Variants in CAPZA1 observed in about 807,000 individuals in gnomAD.
The protein encoded by CAPZA1 is F-actin-capping protein subunit alpha-1.
CAPZA1 carries 10 observed loss-of-function variants against 40.8 expected under a neutral mutation model. The observed-to-expected ratio is 0.25, with a 90% CI of 0.15 to 0.42. The LOEUF (loss-of-function observed/expected upper bound fraction) is 0.42. Among genes scored for constraint, CAPZA1 ranks in the 10% least tolerant of loss-of-function variants. The pLI, the probability that CAPZA1 is intolerant of heterozygous loss-of-function variation, is 1.00. For missense variants in CAPZA1, 277 were observed against 353.8 expected (o/e 0.78, Z 1.74); for synonymous variants, 98 against 115.0 (o/e 0.85, Z 0.95).
At chr1:112,659,482 T>C (rs991364184) in intron 6 of CAPZA1, 5 of 549,056 alleles carry the variant, frequency 9.1e-6, no homozygotes, top group Non-Finnish European at 1.3e-5. Flanking sequence ...AAAGACAAAA[T>C]AACTTAGAAA....
At chr1:112,647,312 C>T in intron 2 of CAPZA1, 39 bp downstream of exon 2, 5 of 1,065,426 alleles carry the variant, frequency 4.7e-6, no homozygotes, top group Non-Finnish European at 5.3e-6. Flanking sequence ...CCTTAATTAC[C>T]ATTATTTATT....
intron 5 of CAPZA1, among the ~76,000 whole-genome samples, chr1:112,657,416 A>G (rs1671519812): frequency 6.6e-6 from 1 of 151,560 alleles, no homozygotes; most frequent in East Asian, 1.9e-4. Context: ...GAACCCTTTA[A>G]TTTTTTACTT....
chr1:112,666,488 A>G (rs745706540), intron 7 of CAPZA1, among the ~76,000 whole-genome samples: 2 of 152,242 alleles, frequency 1.3e-5, no homozygotes, highest in Admixed American at 6.5e-5. Flanking sequence ...AATTGTTTGC[A>G]TAATTGTAGC....
chr1:112,648,748 A>C lies in CAPZA1; in HGVS notation c.104-670A>C, dbSNP rs1007354223. Among the ~76,000 whole-genome samples the C allele has an allele frequency of 5.3e-5, 8 of 150,908 alleles. No homozygotes were observed. The East Asian group carries it at 6.1e-4, about 12-fold the overall frequency. On this transcript the variant is annotated intron_variant, in intron 2 of 9. Coordinates refer to ENST00000263168, the MANE Select transcript of CAPZA1 (RefSeq NM_006135.3). ...GAGGCCAAAGTGAGCAGATCGCCTT[A>C]GGTCAGGAGTTCGAAACCAGCCTGA... is the stretch of plus-strand genomic sequence containing the variant.
chr1:112,656,468 A>G (rs918507804), intron 5 of CAPZA1, among the ~76,000 whole-genome samples: 2 of 9,204 alleles, frequency 2.2e-4, no homozygotes, highest in African/African-American at 9.2e-4. Context: ...TTTTTTTTTA[A>G]TGAGAATACC....
Position 112,630,336 on chromosome 1 carries a change from T to A in CAPZA1, c.39+10453T>A, listed in dbSNP as rs1249271560. ...TTATTTTATTTTTTATTTTTTAATT[T>A]TTTATTTGTATTTATTTTTATTTTT... On this transcript the variant is annotated intron_variant, in intron 1 of 9. Coordinates refer to ENST00000263168, the MANE Select transcript of CAPZA1 (RefSeq NM_006135.3). Among the ~76,000 whole-genome samples, 3 of 151,930 alleles carry A rather than the reference T, an allele frequency of 2.0e-5. No individual in the cohort carries two copies. In the East Asian group the frequency reaches 5.8e-4, roughly 29 times the overall value.
At chr1:112,640,614 C>T (rs1477580861) in intron 1 of CAPZA1, among the ~76,000 whole-genome samples, 2 of 149,630 alleles carry the variant, frequency 1.3e-5, no homozygotes, top group African/African-American at 2.5e-5. Flanking sequence ...GTCAGCCCCC[C>T]GCCCGGCCAG....
At chr1:112,653,483 T>C (rs1671437924) in intron 3 of CAPZA1, 115 bp from the exon 4 acceptor site, 1 of 704,544 alleles carries the variant, frequency 1.4e-6, no homozygotes, top group African/African-American at 1.9e-5. Flanking sequence ...CAGGGTACTA[T>C]TTTCACATTT....
chr1:112,640,641 G>C (rs919380517), intron 1 of CAPZA1, among the ~76,000 whole-genome samples: 1 of 151,922 alleles, frequency 6.6e-6, no homozygotes, highest in Non-Finnish European at 1.5e-5. Context: ...CATCCGGGAC[G>C]TGAGGGGTGC....
intron 1 of CAPZA1, among the ~76,000 whole-genome samples, chr1:112,621,541 C>T (rs559659868): frequency 6.6e-6 from 1 of 151,304 alleles, no homozygotes; most frequent in Admixed American, 6.6e-5. Context: ...CGTAAGCCAC[C>T]GCGGCCGGCC....
chr1:112,654,485 T>G lies in CAPZA1; in HGVS notation c.240T>G (p.Gly80=). ...GGAAGGTCTTAATTACAGAGCACGG[T>G]GACCTGGGTAATAGCAGATTTTTAG... ...YEDQVLITEH[G]DLGNSRFLDP... Residue 80 remains glycine, a synonymous_variant, in exon 5 of 10, where the codon GGT becomes GGG. Coordinates refer to ENST00000263168, the MANE Select transcript of CAPZA1 (RefSeq NM_006135.3). The G allele has an allele frequency of 1.2e-6, 2 of 1,613,488 alleles. No homozygotes were observed. The highest frequency in any genetic ancestry group is 1.7e-6 in the Non-Finnish European group (2 of 1,179,522).
chr1:112,666,207 A>G (rs1230058874), intron 7 of CAPZA1, among the ~76,000 whole-genome samples: 1 of 152,234 alleles, frequency 6.6e-6, no homozygotes, highest in Non-Finnish European at 1.5e-5. Flanking sequence ...ACATATTCAT[A>G]TGCAGTGAGT....
At chr1:112,664,209 C>T (rs1206673008) in intron 7 of CAPZA1, among the ~76,000 whole-genome samples, 11 of 139,294 alleles carry the variant, frequency 7.9e-5, no homozygotes, top group Non-Finnish European at 1.4e-4. Flanking sequence ...CCAGCTTGGG[C>T]GACAGAGCGT....
intron 1 of CAPZA1, among the ~76,000 whole-genome samples, chr1:112,637,609 G>A (rs758434664): frequency 1.3e-5 from 2 of 152,068 alleles, no homozygotes; most frequent in East Asian, 1.9e-4. Flanking sequence ...CACCATGCCC[G>A]GCTAAATTTT....
chr1:112,649,246 A>C (rs7550315), intron 2 of CAPZA1, among the ~76,000 whole-genome samples, 172 bp from the exon 3 acceptor site: 12,559 of 152,306 alleles, frequency 0.082, 700 homozygotes, highest in Middle Eastern at 0.12. Context: ...ATAATTGTAC[A>C]CAAATCTGTG....
rs1452391731 is a variant in CAPZA1, at chr1:112,654,641, G to C, written c.396G>C (p.Val132=). ...GTGACAGTGCTTTAAGAGCCTATGT[G>C]AAAGACCATTATTCCAACGGCTTCT... ...ESCDSALRAY[V]KDHYSNGFCT... Residue 132 remains valine, a synonymous_variant, in exon 5 of 10, where the codon GTG becomes GTC. Coordinates refer to ENST00000263168, the MANE Select transcript of CAPZA1 (RefSeq NM_006135.3). 3 of 1,612,748 alleles carry C rather than the reference G, an allele frequency of 1.9e-6. No homozygotes were observed. The highest frequency in any genetic ancestry group is 2.2e-5 in the South Asian group (2 of 90,986).
intron 2 of CAPZA1, among the ~76,000 whole-genome samples, chr1:112,647,490 T>C (rs1671303862): frequency 6.6e-6 from 1 of 152,234 alleles, no homozygotes; most frequent in Non-Finnish European, 1.5e-5. Flanking sequence ...ACCCATAAAT[T>C]AGGATGCCTA....
rs555632436 is a variant in CAPZA1 at position 112,626,483 on chromosome 1, G to A, written c.39+6600G>A. On this transcript the variant is annotated intron_variant, in intron 1 of 9. Coordinates refer to ENST00000263168, the MANE Select transcript of CAPZA1 (RefSeq NM_006135.3). ...TGGGACAGGGCACAAGTAAAAAGTC[G>A]CCTCCTGCCCCTGTCTTCCACCCAC... Among the ~76,000 whole-genome samples the A allele has an allele frequency of 2.1e-3, 308 of 150,062 alleles. 2 individuals carry two copies. The highest frequency in any genetic ancestry group is 7.0e-3 in the African/African-American group (287 of 40,900).
At chr1:112,639,254 G>C (rs1671087486) in intron 1 of CAPZA1, among the ~76,000 whole-genome samples, 1 of 151,958 alleles carries the variant, frequency 6.6e-6, no homozygotes, top group Non-Finnish European at 1.5e-5. Context: ...CCTTGCCATT[G>C]CATATACTTT....
Sources: gnomAD v4.1 joint callset for allele counts (sites outside exome capture counted in the v4.1 genomes callset) on GRCh38, gnomAD v4.1.1 for gene constraint, MANE v1.5 for transcripts, NCBI Gene and HGNC (gene_info 2026-07-23, HGNC 2026-07-21) for gene names.